The following KLHL13 variants were observed in gnomAD, a reference collection of about 807,000 sequenced individuals.
KLHL13 encodes kelch-like protein 13.
In KLHL13, 10 loss-of-function variants were observed where a neutral mutation model predicts 37.1. That is an observed-to-expected ratio of 0.27 (90% confidence interval 0.17 to 0.46). The LOEUF is 0.46. Among genes scored for constraint, KLHL13 ranks in the 20% least tolerant of loss-of-function variants. KLHL13 has a pLI of 1.00. For synonymous variants in KLHL13, 163 were observed against 181.2 expected, an observed-to-expected ratio of 0.90 and a Z score of 0.81; for missense variants, 360 against 509.3, an observed-to-expected ratio of 0.71 and a Z score of 2.82.
At chrX:117,940,765 A>G (rs1387874214) in intron 2 of KLHL13, among the ~76,000 whole-genome samples, 1 of 111,310 alleles carries the variant, frequency 9.0e-6, no homozygotes, top group Non-Finnish European at 1.9e-5. Context: ...GGTGTATAGG[A>G]ATGCTTGTGA....
At chrX:117,908,847 T>C (rs1246849994) in intron 5 of KLHL13, among the ~76,000 whole-genome samples, 1 of 112,436 alleles carries the variant, frequency 8.9e-6, no homozygotes, top group Non-Finnish European at 1.9e-5. Context: ...AAAATTATCT[T>C]TGTGGCCACT....
chrX:117,898,680 A>C (rs952886276), exon 7 of KLHL13: 1 of 358,405 alleles, frequency 2.8e-6, no homozygotes, highest in African/African-American at 2.6e-5. Context: ...TTCATATGTT[A>C]AACATCAGCT....
chrX:118,110,377 C>CTTTTTTTTTTTTTTTTTT (rs1054663520), intron 1 of KLHL13, among the ~76,000 whole-genome samples: 4 of 82,556 alleles, frequency 4.8e-5, no homozygotes, highest in Non-Finnish European at 6.9e-5. Context: ...ATTTCTTTTT[C>CTTTTTTTTTTTTTTTTTT]TTTTTTTTTT....
chrX:118,018,474 T>A (rs1205645515), intron 1 of KLHL13, among the ~76,000 whole-genome samples: 1 of 111,920 alleles, frequency 8.9e-6, no homozygotes, highest in East Asian at 2.8e-4. Flanking sequence ...AATTACTACA[T>A]AGCAGACAAT....
At chrX:117,983,021 T>C (rs2053680620) in intron 1 of KLHL13, among the ~76,000 whole-genome samples, 1 of 111,848 alleles carries the variant, frequency 8.9e-6, no homozygotes, top group African/African-American at 3.2e-5. Context: ...GTACAACAAT[T>C]AGAAAACAAA....
chrX:117,937,994 A>T (rs778288844), intron 2 of KLHL13, among the ~76,000 whole-genome samples: 9 of 112,247 alleles, frequency 8.0e-5, no homozygotes, highest in African/African-American at 1.3e-4. Context: ...AATCACATAA[A>T]ACATGAAATC....
At chrX:117,940,295 G>A (rs1275436459) in intron 2 of KLHL13, among the ~76,000 whole-genome samples, 1 of 111,347 alleles carries the variant, frequency 9.0e-6, no homozygotes, top group Admixed American at 9.6e-5. Context: ...TGTTCCATTT[G>A]TCTATATATC....
intron 1 of KLHL13, among the ~76,000 whole-genome samples, chrX:118,010,120 G>A (rs1409357147): frequency 2.9e-5 from 3 of 102,343 alleles, no homozygotes; most frequent in Non-Finnish European, 6.0e-5. Context: ...GGAGAAATAG[G>A]AACACTTTTA....
intron 1 of KLHL13, among the ~76,000 whole-genome samples, chrX:118,009,964 T>C (rs189148738): frequency 2.7e-5 from 3 of 110,523 alleles, no homozygotes; most frequent in Non-Finnish European, 5.7e-5. Flanking sequence ...AGAAGACATT[T>C]ATGCAGCCAA....
At chrX:118,019,737 T>G (rs1195076278) in intron 1 of KLHL13, among the ~76,000 whole-genome samples, 1 of 108,927 alleles carries the variant, frequency 9.2e-6, no homozygotes, top group Non-Finnish European at 1.9e-5. Context: ...CAGCACCATT[T>G]ATTAAATAGG....
At chrX:118,086,969 T>C (rs982298227) in intron 1 of KLHL13, among the ~76,000 whole-genome samples, 1 of 111,388 alleles carries the variant, frequency 9.0e-6, no homozygotes, top group Non-Finnish European at 1.9e-5. Context: ...AATAAGGATG[T>C]TACGCTACAA....
chrX:117,975,534 G>A (rs1354026083), upstream of KLHL13, among the ~76,000 whole-genome samples: 9 of 111,609 alleles, frequency 8.1e-5, no homozygotes. Context: ...GGGATTACAT[G>A]CACCTGCCAC....
At chrX:117,916,400 CT>C (rs1931362079) in intron 4 of KLHL13, among the ~76,000 whole-genome samples, 1 of 111,941 alleles carries the variant, frequency 8.9e-6, no homozygotes, top group African/African-American at 3.3e-5. Context: ...TCATTGTCCT[CT>C]TTTCCATAAC....
chrX:117,978,653 C>T (rs187681464), upstream of KLHL13, among the ~76,000 whole-genome samples: 2 of 110,756 alleles, frequency 1.8e-5, no homozygotes, highest in Admixed American at 9.6e-5. Flanking sequence ...GTTGGGGACC[C>T]GATGATCCAC....
intron 1 of KLHL13, among the ~76,000 whole-genome samples, chrX:118,064,378 T>C (rs2054773963): frequency 9.0e-6 from 1 of 111,711 alleles, no homozygotes; most frequent in Non-Finnish European, 1.9e-5. Context: ...AGCTTTCCCT[T>C]TTTCCCTCCA....
intron 6 of KLHL13, among the ~76,000 whole-genome samples, chrX:117,899,598 A>C (rs998719089): frequency 8.9e-6 from 1 of 112,149 alleles, no homozygotes; most frequent in Non-Finnish European, 1.9e-5. Context: ...TAAAGAACAA[A>C]ACAATTACTT....
At chrX:118,028,760 G>T (rs960825695) in intron 1 of KLHL13, among the ~76,000 whole-genome samples, 1 of 111,976 alleles carries the variant, frequency 8.9e-6, no homozygotes, top group Non-Finnish European at 1.9e-5. Context: ...AGTAACTAAT[G>T]ATTATCCATG....
At chrX:117,970,488 C>T (rs1412679487) in intron 1 of KLHL13, among the ~76,000 whole-genome samples, 1 of 111,487 alleles carries the variant, frequency 9.0e-6, no homozygotes, top group Non-Finnish European at 1.9e-5. Context: ...CCTATGTTTG[C>T]CAGCCAAACA....
At chrX:117,929,140 ATAAAC>A (rs1932251308) in intron 2 of KLHL13, among the ~76,000 whole-genome samples, 1 of 112,500 alleles carries the variant, frequency 8.9e-6, no homozygotes. Flanking sequence ...GAAGAAACAG[ATAAAC>A]TAAATAGCTA....
Sources: gnomAD v4.1 joint callset for allele counts (sites outside exome capture counted in the v4.1 genomes callset) on GRCh38, gnomAD v4.1.1 for gene constraint, MANE v1.5 for transcripts, NCBI Gene and HGNC (gene_info 2026-07-23, HGNC 2026-07-21) for gene names.